PXT1: variants seen among roughly 807,000 people sequenced by gnomAD.
The protein encoded by PXT1 is peroxisomal testis-specific protein 1.
A neutral mutation model predicts 11.0 loss-of-function variants in PXT1; 11 were observed. The observed-to-expected ratio is 1.00, with a 90% CI of 0.63 to 1.66. PXT1 has a LOEUF of 1.66. Among genes scored for constraint, PXT1 ranks in the 40% most tolerant of loss-of-function variants. PXT1 has a pLI of 0.00. For missense variants in PXT1, 141 were observed against 155.5 expected (o/e 0.91, Z 0.49); for synonymous variants, 43 against 51.4 (o/e 0.84, Z 0.70).
At chr6:36,417,282 G>A (rs1774462168) in intron 3 of PXT1, among the ~76,000 whole-genome samples, 1 of 152,156 alleles carries the variant, frequency 6.6e-6, no homozygotes, top group South Asian at 2.1e-4. Flanking sequence ...GGGAGGCAGA[G>A]GCTGCAGTGA....
At chr6:36,434,544 A>G (rs1426634903) in intron 2 of PXT1, among the ~76,000 whole-genome samples, 1 of 152,236 alleles carries the variant, frequency 6.6e-6, no homozygotes, top group Non-Finnish European at 1.5e-5. Flanking sequence ...ATAGGTTCCA[A>G]TCGTAATGGA....
chr6:36,429,503 C>CTTTTTTTTTTTTTTTTTTTTTTT (rs1774658180), intron 2 of PXT1, among the ~76,000 whole-genome samples: 2 of 104,254 alleles, frequency 1.9e-5, no homozygotes, highest in African/African-American at 4.5e-5. Flanking sequence ...TTCTTTTTTT[C>CTTTTTTTTTTTTTTTTTTTTTTT]TTTTCTTTTT....
chr6:36,418,315 G>T (rs549315838), intron 3 of PXT1, among the ~76,000 whole-genome samples: 1 of 152,128 alleles, frequency 6.6e-6, no homozygotes, highest in Admixed American at 6.5e-5. Flanking sequence ...TAAGAATCAC[G>T]GATCTAGAAA....
At chr6:36,399,354 C>T (rs1458620763) in intron 4 of PXT1, among the ~76,000 whole-genome samples, 1 of 152,144 alleles carries the variant, frequency 6.6e-6, no homozygotes, top group Non-Finnish European at 1.5e-5. Flanking sequence ...ACCAGGTTGG[C>T]CAGGATGGTC....
intron 2 of PXT1, among the ~76,000 whole-genome samples, chr6:36,431,434 C>T (rs1774690957): frequency 6.6e-6 from 1 of 152,104 alleles, no homozygotes; most frequent in East Asian, 1.9e-4. Context: ...TACAGTCTAG[C>T]AGAAGAAAGA....
intron 3 of PXT1, among the ~76,000 whole-genome samples, chr6:36,402,873 C>T (rs1166787956): frequency 2.0e-5 from 3 of 152,188 alleles, no homozygotes; most frequent in Non-Finnish European, 2.9e-5. Context: ...CCTCTCTCCA[C>T]TCCAGTGAAA....
intron 2 of PXT1, among the ~76,000 whole-genome samples, 198 bp downstream of exon 2, chr6:36,438,568 GC>G (rs1774807049): frequency 6.6e-6 from 1 of 151,980 alleles, no homozygotes; most frequent in South Asian, 2.1e-4. Context: ...GACTACAGGT[GC>G]CTGCCACCAC....
intron 3 of PXT1, among the ~76,000 whole-genome samples, chr6:36,413,904 CAGA>C (rs1413319874): frequency 5.3e-5 from 8 of 152,102 alleles, no homozygotes; most frequent in African/African-American, 1.9e-4. Context: ...GAGGCTGAGG[CAGA>C]AGGACAGGTT....
chr6:36,420,596 G>C (rs923092738), intron 3 of PXT1, among the ~76,000 whole-genome samples: 1 of 152,156 alleles, frequency 6.6e-6, no homozygotes, highest in Non-Finnish European at 1.5e-5. Flanking sequence ...GGACAAGAAT[G>C]AAAGAGAGAG....
At chr6:36,397,836 C>T (rs1266386527) in intron 4 of PXT1, among the ~76,000 whole-genome samples, 1 of 151,844 alleles carries the variant, frequency 6.6e-6, no homozygotes, top group East Asian at 1.9e-4. Flanking sequence ...CCTGTCTCTA[C>T]AAAAAATAAA....
chr6:36,415,998 A>T (rs1210586809), intron 3 of PXT1, among the ~76,000 whole-genome samples: 1 of 152,126 alleles, frequency 6.6e-6, no homozygotes, highest in Non-Finnish European at 1.5e-5. Flanking sequence ...TCTGCTAAGA[A>T]GGAAAGAGAT....
Position 36,425,854 on chromosome 6 carries a change from A to G in PXT1, c.169+60T>C, listed in dbSNP as rs1774598281. ...TTTAATGTCCAATTTTATGGTCTTAATAGCAAGAAAAACACATGCTAAGTA... is the reference window on the plus strand; with the variant it reads ...TTTAATGTCCAATTTTATGGTCTTAGTAGCAAGAAAAACACATGCTAAGTA... On this transcript the variant is annotated intron_variant, in intron 3 of 4. Coordinates refer to ENST00000454782, the MANE Select transcript of PXT1 (RefSeq NM_152990.4). 3 of 1,096,512 alleles carry G rather than the reference A, an allele frequency of 2.7e-6. No individual in the cohort carries two copies. The South Asian group carries it at 4.6e-5, about 17-fold the overall frequency. 67.9% of individuals were successfully genotyped at this position (1,096,512 alleles called of 1,614,324 possible). A position where few individuals can be genotyped will look rare whatever the true frequency, so the allele number is the denominator to read the frequency against.
rs1582267864 is a variant in PXT1 at position 36,425,874 on chromosome 6, T to G, written c.169+40A>C. ...TCTTAATAGCAAGAAAAACACATGC[T>G]AAGTAAACTATTTATCTTAGTTTAA... On this transcript the variant is annotated intron_variant, in intron 3 of 4. Coordinates refer to ENST00000454782, the MANE Select transcript of PXT1 (RefSeq NM_152990.4). 3 of 1,390,230 alleles carry G rather than the reference T, an allele frequency of 2.2e-6. No individual in the cohort carries two copies. In the South Asian group the frequency reaches 4.0e-5, roughly 19 times the overall value. The allele number at this position is 1,390,230 out of a possible 1,614,324, so 86.1% of individuals were successfully genotyped here.
intron 4 of PXT1, among the ~76,000 whole-genome samples, chr6:36,395,200 A>G (rs1774126189): frequency 6.6e-6 from 1 of 152,198 alleles, no homozygotes; most frequent in Non-Finnish European, 1.5e-5. Context: ...AGAACAAGAG[A>G]GCAAAAAATT....
At chr6:36,435,562 T>TAAGAA in intron 2 of PXT1, among the ~76,000 whole-genome samples, 1 of 151,810 alleles carries the variant, frequency 6.6e-6, no homozygotes, top group African/African-American at 2.4e-5. Context: ...ACCCTGTCCC[T>TAAGAA]AAGAAAAGAA....
chr6:36,420,714 T>A (rs771356995), intron 3 of PXT1, among the ~76,000 whole-genome samples: 1 of 152,230 alleles, frequency 6.6e-6, no homozygotes, highest in African/African-American at 2.4e-5. Flanking sequence ...AATTGGTAAG[T>A]CACTTATTAT....
chr6:36,406,011 AC>A (rs1392671549), intron 3 of PXT1, among the ~76,000 whole-genome samples: 1 of 152,216 alleles, frequency 6.6e-6, no homozygotes, highest in Non-Finnish European at 1.5e-5. Flanking sequence ...ATTTCTCAGA[AC>A]CTGTCCCCAT....
chr6:36,391,961 T>A, intron 4 of PXT1, 87 bp from the exon 5 acceptor site: 1 of 853,726 alleles, frequency 1.2e-6, no homozygotes, highest in Non-Finnish European at 1.9e-6. Flanking sequence ...TTCAACACAA[T>A]GGAAAATATT....
Position 36,418,336 on chromosome 6 carries a change from A to G in PXT1, c.169+7578T>C, listed in dbSNP as rs1179246224. ...TCACGGATCTAGAAAACTGGAAAAC[A>G]TGACCAATTAAGGAATTTCACTGCT... On this transcript the variant is annotated intron_variant, in intron 3 of 4. Transcript: ENST00000454782. Among the ~76,000 whole-genome samples the G allele has an allele frequency of 1.3e-5, 2 of 152,384 alleles. 1 individual carries two copies. Among genetic ancestry groups the G allele is most frequent in the South Asian group, 4.1e-4 (2 of 4,834 alleles).
Sources: allele counts gnomAD v4.1 joint callset (sites outside exome capture counted in the v4.1 genomes callset), GRCh38; gene constraint gnomAD v4.1.1; transcripts MANE v1.5; gene names NCBI Gene and HGNC (gene_info 2026-07-23, HGNC 2026-07-21).